The following TADA2A variants were observed in gnomAD, a reference collection of about 807,000 sequenced individuals.
TADA2A encodes the protein transcriptional adaptor 2A.
TADA2A carries 38 observed loss-of-function variants against 67.4 expected under a neutral mutation model. The ratio of observed to expected loss-of-function variants is 0.56; its 90% CI spans 0.44 to 0.74. The LOEUF (loss-of-function observed/expected upper bound fraction) is 0.74, where lower values mean the gene tolerates loss of function less well. TADA2A is among the 30% of genes least tolerant of loss of function. The probability of loss-of-function intolerance (pLI) is 0.00; values close to 1 mark genes in which losing one functional copy is unlikely to be tolerated. For missense variants in TADA2A, 454 were observed against 547.0 expected, an observed-to-expected ratio of 0.83 and a Z score of 1.70; for synonymous variants, 192 against 181.6, an observed-to-expected ratio of 1.06 and a Z score of -0.46.
intron 2 of TADA2A, 76 bp from the exon 3 acceptor site, chr17:37,423,432 TG>T (rs1336591345): frequency 9.0e-7 from 1 of 1,111,448 alleles, no homozygotes; most frequent in Non-Finnish European, 1.3e-6. Context: ...TGTGGTCATT[TG>T]GGGATTTTCA....
At position 37,465,502 on chromosome 17, in the gene TADA2A, G is replaced by T; in HGVS notation, c.784G>T (p.Gly262Trp). The change falls in exon 11 of 16, where the codon GGG (glycine) becomes TGG (tryptophan). Residue 262 changes from glycine (G) to tryptophan (W), a missense_variant. By Grantham distance (184) the Gly-to-Trp change is radical. Transcript: ENST00000615182. ...AATGAGGCGATTTGCAAGAATTGTG[G>T]GGCCAGTGGAACATGACAAATTCAT... is the stretch of plus-strand genomic sequence containing the variant. The part of the protein sequence containing the change: ...ETMRRFARIV[G>W]PVEHDKFIES... 6.2e-7 allele frequency: 1 copy of T among 1,614,108 alleles called. No individual in the cohort carries two copies. Among genetic ancestry groups the T allele is most frequent in the Non-Finnish European group, 8.5e-7 (1 of 1,180,032 alleles).
At chr17:37,412,425 G>T (rs539007289) in intron 2 of TADA2A, among the ~76,000 whole-genome samples, 1 of 152,082 alleles carries the variant, frequency 6.6e-6, no homozygotes, top group East Asian at 1.9e-4. Flanking sequence ...AGTAAACCAC[G>T]GTAGAATAAT....
At position 37,437,808 on chromosome 17, in the gene TADA2A, T is replaced by C. The variant is rs2052777542; in HGVS notation, c.263T>C (p.Met88Thr). Residue 88 changes from methionine to threonine, a missense_variant, in exon 5 of 16, where the codon ATG becomes ACG. Physicochemically the swap from Met to Thr is moderately conservative, Grantham distance 81 (BLOSUM62 -1). Around this residue, in one of 2 missense-constraint regions of TADA2A, gnomAD observed 403 missense variants for 455.5 expected, o/e 0.88. Transcript: ENST00000615182. ...QEEMALLEAV[M>T]DCGFGNWQDV... Reference sequence around the variant, plus strand: ...GAAATGGCCCTTTTAGAAGCTGTGATGGACTGTGGCTTTGGAAATTGGTAA... The same window carrying C: ...GAAATGGCCCTTTTAGAAGCTGTGACGGACTGTGGCTTTGGAAATTGGTAA... 6.2e-7 allele frequency: 1 copy of C among 1,614,196 alleles called. No individual in the cohort carries two copies. The highest frequency in any genetic ancestry group is 8.5e-7 in the Non-Finnish European group (1 of 1,180,016).
intron 4 of TADA2A, among the ~76,000 whole-genome samples, chr17:37,432,412 C>T (rs1487241503): frequency 6.6e-6 from 1 of 152,058 alleles, no homozygotes; most frequent in Non-Finnish European, 1.5e-5. Flanking sequence ...GGTGATCCAC[C>T]TGCCTTGGCC....
intron 9 of TADA2A, among the ~76,000 whole-genome samples, chr17:37,460,425 A>G (rs1310905956): frequency 6.6e-6 from 1 of 151,706 alleles, no homozygotes; most frequent in Non-Finnish European, 1.5e-5. Context: ...TTTTATTTTT[A>G]GTAGAGACAC....
chr17:37,462,122 G>GT lies in TADA2A; in HGVS notation c.712+2dup. On this transcript the variant is annotated splice_donor_variant, in intron 10 of 15. Coordinates refer to ENST00000615182, the MANE Select transcript of TADA2A (RefSeq NM_001166105.3). LOFTEE classifies it high-confidence loss of function. The stretch of plus-strand genomic sequence containing the variant: ...TTAATCAACCTTAGAAAGTTTCAAT[G>GT]TAAGTATTAGCAGTTTTCTTTATTT... 6.5e-7 allele frequency: 1 copy of GT among 1,541,582 alleles called. No homozygotes were observed.
At chr17:37,459,684 C>G (rs945947098) in intron 9 of TADA2A, among the ~76,000 whole-genome samples, 3 of 151,754 alleles carry the variant, frequency 2.0e-5, no homozygotes, top group Non-Finnish European at 2.9e-5. Flanking sequence ...TCTCCAACTC[C>G]TGGGCTCAAA....
At chr17:37,452,741 A>C (rs1008745062) in intron 8 of TADA2A, among the ~76,000 whole-genome samples, 4 of 152,152 alleles carry the variant, frequency 2.6e-5, no homozygotes, top group Non-Finnish European at 5.9e-5. Context: ...CCTATAAATC[A>C]AGAAATATTT....
Position 37,477,260 on chromosome 17 carries a change from A to G in TADA2A, c.*278A>G. 5.8e-6 allele frequency: 2 copies of G among 346,202 alleles called. No individual in the cohort carries two copies. 21.4% of individuals were successfully genotyped at this position (346,202 alleles called of 1,614,324 possible). A position where few individuals can be genotyped will look rare whatever the true frequency, so the allele number is the denominator to read the frequency against. On this transcript the variant is annotated 3_prime_UTR_variant, in exon 16 of 16. Transcript: ENST00000615182. Reference sequence around the variant, plus strand: ...CCTAACACCTCTTGTAACTAAAAGAACCATAGTACCTCACATCACAGTGCT... The same window carrying G: ...CCTAACACCTCTTGTAACTAAAAGAGCCATAGTACCTCACATCACAGTGCT...
chr17:37,443,570 T>C (rs1322377343), intron 7 of TADA2A, among the ~76,000 whole-genome samples: 1 of 152,214 alleles, frequency 6.6e-6, no homozygotes, highest in African/African-American at 2.4e-5. Context: ...CTGGTTCTTA[T>C]TGTACATCTA....
At chr17:37,427,596 G>A (rs1016277853) in intron 4 of TADA2A, among the ~76,000 whole-genome samples, 5 of 152,202 alleles carry the variant, frequency 3.3e-5, no homozygotes, top group African/African-American at 7.2e-5. Flanking sequence ...TGTTCGTAGT[G>A]TCCTTCCAAG....
In TADA2A at chr17:37,440,768, G is replaced by A. The variant is rs776658358; in HGVS notation, c.442+106G>A. On this transcript the variant is annotated intron_variant, in intron 6 of 15. Transcript: ENST00000615182. ...TGACTTGGACAGCTAATGATATCAC[G>A]GAAGATAGGAGGAGTTAGTATGGCA... 97 of 1,364,158 alleles carry A rather than the reference G, an allele frequency of 7.1e-5. No homozygotes were observed. The African/African-American group carries it at 8.5e-4, about 12-fold the overall frequency. 84.5% of individuals were successfully genotyped at this position (1,364,158 alleles called of 1,614,324 possible). A position where few individuals can be genotyped will look rare whatever the true frequency, so the allele number is the denominator to read the frequency against.
intron 3 of TADA2A, among the ~76,000 whole-genome samples, chr17:37,424,745 AG>A (rs1301660416): frequency 6.6e-6 from 1 of 152,080 alleles, no homozygotes; most frequent in African/African-American, 2.4e-5. Flanking sequence ...TAGTATAGAC[AG>A]GGTTTCTCCA....
chr17:37,435,746 A>G (rs2052705301), intron 4 of TADA2A, among the ~76,000 whole-genome samples: 1 of 152,028 alleles, frequency 6.6e-6, no homozygotes, highest in Non-Finnish European at 1.5e-5. Context: ...TGCCCAGCTA[A>G]TTTTTGTAGT....
intron 2 of TADA2A, among the ~76,000 whole-genome samples, chr17:37,412,698 G>A (rs949982549): frequency 1.3e-5 from 2 of 151,592 alleles, no homozygotes; most frequent in African/African-American, 2.4e-5. Context: ...CAGGAGAATC[G>A]CTTGAACCTG....
intron 8 of TADA2A, among the ~76,000 whole-genome samples, chr17:37,451,429 C>T (rs1029407906): frequency 1.3e-5 from 2 of 151,768 alleles, no homozygotes; most frequent in African/African-American, 4.8e-5. Context: ...AGCAATCCTC[C>T]CACCTCAGCC....
At chr17:37,431,858 A>G (rs1395661304) in intron 4 of TADA2A, among the ~76,000 whole-genome samples, 2 of 152,100 alleles carry the variant, frequency 1.3e-5, no homozygotes, top group South Asian at 4.2e-4. Context: ...GAGCTACTGC[A>G]CCCAGCCTAA....
chr17:37,431,045 A>G (rs139813006), intron 4 of TADA2A, among the ~76,000 whole-genome samples: 1 of 151,820 alleles, frequency 6.6e-6, no homozygotes, highest in Admixed American at 6.6e-5. Flanking sequence ...CTCACAAATC[A>G]TGACTTTTTT....
In TADA2A at chr17:37,426,794, A is replaced by G. The variant is rs570754505; in HGVS notation, c.133-156A>G. The G allele has an allele frequency of 2.5e-5, 15 of 592,702 alleles. No individual in the cohort carries two copies. In the South Asian group the frequency reaches 2.9e-4, roughly 11 times the overall value. The allele number at this position is 592,702 out of a possible 1,614,324, so 36.7% of individuals were successfully genotyped here. A position where few individuals can be genotyped will look rare whatever the true frequency, so the allele number is the denominator to read the frequency against. ...TAGGAGTTCAAGGCTGCAGTGAGCT[A>G]TGATGGTGCCACTGCACTTCGGCCT... On this transcript the variant is annotated intron_variant, in intron 3 of 15. Transcript: ENST00000615182.
Sources: allele counts gnomAD v4.1 joint callset (sites outside exome capture counted in the v4.1 genomes callset), GRCh38; gene constraint gnomAD v4.1.1; regional missense constraint gnomAD v4.1.1; transcripts MANE v1.5; gene names NCBI Gene and HGNC (gene_info 2026-07-23, HGNC 2026-07-21).